Variants in ALDH3B2 observed in about 807,000 individuals in gnomAD.
ALDH3B2 encodes the protein aldehyde dehydrogenase family 3 member B2.
Under a neutral mutation model 36.7 loss-of-function variants are expected in ALDH3B2, and 45 were observed. That is an observed-to-expected ratio of 1.23 (90% confidence interval 0.97 to 1.57). The LOEUF (loss-of-function observed/expected upper bound fraction) is 1.57, where lower values mean the gene tolerates loss of function less well. Ranked by LOEUF, ALDH3B2 falls within the 40% of genes most tolerant of loss-of-function variation. ALDH3B2 has a pLI of 0.00. For synonymous variants in ALDH3B2, 217 were observed against 226.5 expected (o/e 0.96, Z 0.38); for missense variants, 464 against 513.3 (o/e 0.90, Z 0.93).
At chr11:67,679,083 T>C (rs890118025), upstream of ALDH3B2, among the ~76,000 whole-genome samples, 1 of 152,104 alleles carries the variant, frequency 6.6e-6, no homozygotes, top group Non-Finnish European at 1.5e-5. Flanking sequence ...TGTATACTGC[T>C]CAGGTGATGG....
In ALDH3B2 at chr11:67,666,248, G is replaced by A. The variant is rs367901919; in HGVS notation, c.238-45C>T. On this transcript the variant is annotated intron_variant, in intron 5 of 9. Transcript: ENST00000349015. ...GCTCGGGGCGGGCTCGGGGCCAGCC[G>A]GGCCTCCTCAGCCCACAGGGGTGAT... The A allele has an allele frequency of 5.0e-6, 8 of 1,612,792 alleles. No homozygotes were observed. The African/African-American group carries it at 5.3e-5, about 11-fold the overall frequency.
At position 67,664,449 on chromosome 11, in the gene ALDH3B2, T is replaced by C. The variant is rs115653824; in HGVS notation, c.820A>G (p.Ile274Val). Residue 274 changes from isoleucine to valine, a missense_variant, in exon 8 of 10, where the codon ATC (isoleucine) becomes GTC (valine). By Grantham distance (29) the Ile-to-Val change is conservative. Coordinates refer to ENST00000349015, the Ensembl canonical transcript of ALDH3B2. ...GCCAGGGGCTTCTCCTGCCGGTTGA[T>C]GAACTTGATGGCCTCGTCCACGCTC... 2.7e-4 allele frequency: 434 copies of C among 1,614,098 alleles called. 2 individuals are homozygous for C. In the African/African-American group the frequency reaches 5.3e-3, roughly 20 times the overall value.
At chr11:67,667,657 A>G in intron 1 of ALDH3B2, 22 bp from the exon 2 acceptor site, 1 of 332,840 alleles carries the variant, frequency 3.0e-6, no homozygotes, top group Admixed American at 5.3e-5. Context: ...GGTGGCTTGA[A>G]CTGGGTGGCC....
upstream of ALDH3B2, among the ~76,000 whole-genome samples, chr11:67,675,576 G>A (rs1015231457): frequency 8.5e-5 from 13 of 152,242 alleles, no homozygotes; most frequent in African/African-American, 2.9e-4. Flanking sequence ...GGGCAGGAGG[G>A]ACATCTGAGA....
At chr11:67,664,271 TA>T in intron 8 of ALDH3B2, 124 bp downstream of exon 8, 1 of 1,459,906 alleles carries the variant, frequency 6.8e-7, no homozygotes, top group Admixed American at 1.8e-5. Context: ...CCAGGTGGCC[TA>T]GATATAGTCA....
intron 1 of ALDH3B2, among the ~76,000 whole-genome samples, chr11:67,671,811 G>C (rs1011794477): frequency 6.7e-6 from 1 of 150,296 alleles, no homozygotes; most frequent in South Asian, 2.1e-4. Context: ...CCAAAGTGCT[G>C]GGATTACAGG....
Position 67,664,512 on chromosome 11 carries a change from C to T in ALDH3B2, c.757G>A (p.Glu253Lys), listed in dbSNP as rs757783007. 5 of 1,614,012 alleles carry T rather than the reference C, an allele frequency of 3.1e-6. No homozygotes were observed. The Admixed American group carries it at 8.3e-5, about 27-fold the overall frequency. ...ATGGGCAGGATGGGCCCGAAGATCTCCTCCTGCATCACAGGCTCCGTCTCC... is the reference window on the plus strand; with the variant it reads ...ATGGGCAGGATGGGCCCGAAGATCTTCTCCTGCATCACAGGCTCCGTCTCC... The change falls in exon 8 of 10, where the codon GAG (glutamate) becomes AAG (lysine). Residue 253 changes from glutamate (E) to lysine (K), a missense_variant. Transcript: ENST00000349015.
At chr11:67,668,607 G>C (rs1003522854) in intron 1 of ALDH3B2, among the ~76,000 whole-genome samples, 1 of 151,450 alleles carries the variant, frequency 6.6e-6, no homozygotes, top group African/African-American at 2.4e-5. Context: ...TCTTTGTATA[G>C]CTTTGTGTCT....
chr11:67,670,813 T>C (rs4569014), intron 1 of ALDH3B2, among the ~76,000 whole-genome samples: 129,374 of 152,218 alleles, frequency 0.85, 55,880 homozygotes, highest in South Asian at 0.96. Flanking sequence ...GCGGCCCCCC[T>C]GCATGAGGGC....
rs796890329 is a variant in ALDH3B2, at chr11:67,664,277, T to C, written c.873+119A>G. On this transcript the variant is annotated intron_variant, in intron 8 of 9. Transcript: ENST00000349015. Reference sequence around the variant, plus strand: ...GCAGTGGTACCAGGTGGCCTAGATATAGTCACCCTTGAGGCATCTGCTGCT... The same window carrying C: ...GCAGTGGTACCAGGTGGCCTAGATACAGTCACCCTTGAGGCATCTGCTGCT... 2.2e-5 allele frequency: 33 copies of C among 1,486,188 alleles called. No individual in the cohort carries two copies. The African/African-American group carries it at 4.1e-4, about 19-fold the overall frequency. The allele number at this position is 1,486,188 out of a possible 1,614,324, so 92.1% of individuals were successfully genotyped here.
In ALDH3B2 at chr11:67,672,118, GT is replaced by G. The variant is rs1856141731; in HGVS notation, c.-245+2318del. The stretch of plus-strand genomic sequence containing the variant: ...GTATGTATTTTGTGTGTGTGTGTGT[GT>G]GTGTGTGTGTGTGTGTATATATATA... On this transcript the variant is annotated intron_variant, in intron 1 of 9. Transcript: ENST00000349015. Among the ~76,000 whole-genome samples, 2 of 108,176 alleles carry G rather than the reference GT, an allele frequency of 1.8e-5. 1 individual carries two copies. Among genetic ancestry groups the G allele is most frequent in the Non-Finnish European group, 3.6e-5 (2 of 56,242 alleles). The allele number at this position is 108,176 out of a possible 152,430, so 71.0% of individuals were successfully genotyped here.
intron 7 of ALDH3B2, 131 bp from the exon 8 acceptor site, chr11:67,664,693 T>C: frequency 7.5e-7 from 1 of 1,337,468 alleles, no homozygotes; most frequent in South Asian, 1.5e-5. Context: ...TCCCAGCGCT[T>C]CAGGCTTTGG....
intron 1 of ALDH3B2, among the ~76,000 whole-genome samples, chr11:67,668,366 C>T (rs754797139): frequency 2.6e-5 from 4 of 152,080 alleles, no homozygotes; most frequent in Non-Finnish European, 5.9e-5. Flanking sequence ...GCCTGAGGGC[C>T]CAAGGGAACC....
chr11:67,668,808 G>A (rs111169978), intron 1 of ALDH3B2, among the ~76,000 whole-genome samples: 1 of 128,250 alleles, frequency 7.8e-6, no homozygotes. Context: ...ATGTATGGGT[G>A]CTGTGTGTCT....
intron 1 of ALDH3B2, among the ~76,000 whole-genome samples, chr11:67,668,674 GT>G (rs1855989849): frequency 1.3e-5 from 2 of 151,284 alleles, no homozygotes; most frequent in African/African-American, 2.4e-5. Context: ...GTGTATGGGT[GT>G]CTGTGTGTGT....
chr11:67,679,436 A>G (rs1326018402), upstream of ALDH3B2, among the ~76,000 whole-genome samples: 1 of 151,400 alleles, frequency 6.6e-6, no homozygotes, highest in Non-Finnish European at 1.5e-5. Flanking sequence ...TCACCGTAGC[A>G]CTCCAGCCTG....
chr11:67,676,505 C>T (rs1030043479), upstream of ALDH3B2, among the ~76,000 whole-genome samples: 3 of 151,866 alleles, frequency 2.0e-5, no homozygotes, highest in East Asian at 1.9e-4. Context: ...ATCAAAAAGT[C>T]TGAAAGAGCA....
chr11:67,664,385 C>A lies in ALDH3B2; in HGVS notation c.873+11G>T. 1 of 1,613,904 alleles carries A rather than the reference C, an allele frequency of 6.2e-7. No homozygotes were observed. Reference sequence around the variant, plus strand: ...GCCCCTCCATTGCCCCCAACCCGGCCGCACCCCCACCTGGCTGCTGTTGGA... The same window carrying A: ...GCCCCTCCATTGCCCCCAACCCGGCAGCACCCCCACCTGGCTGCTGTTGGA... On this transcript the variant is annotated intron_variant, in intron 8 of 9. Coordinates refer to ENST00000349015, the Ensembl canonical transcript of ALDH3B2.
At chr11:67,676,684 A>G (rs182843047), upstream of ALDH3B2, among the ~76,000 whole-genome samples, 405 of 152,326 alleles carry the variant, frequency 2.7e-3, 1 homozygote, top group Non-Finnish European at 2.4e-3. Flanking sequence ...GAAAAGATAA[A>G]TAAAATTGAT....
Sources: gnomAD v4.1 joint callset for allele counts (sites outside exome capture counted in the v4.1 genomes callset) on GRCh38, gnomAD v4.1.1 for gene constraint, MANE v1.5 for transcripts, NCBI Gene and HGNC (gene_info 2026-07-23, HGNC 2026-07-21) for gene names.